The following DCX variants were observed in gnomAD, a reference collection of about 807,000 sequenced individuals.
DCX encodes neuronal migration protein doublecortin.
In DCX, 4 loss-of-function variants were observed where a neutral mutation model predicts 20.9. That is an observed-to-expected ratio of 0.19 (90% CI 0.09 to 0.44). The LOEUF (loss-of-function observed/expected upper bound fraction) is 0.44. Ranked by LOEUF, DCX falls within the 20% of genes least tolerant of loss-of-function variation. The pLI is 0.99. For synonymous variants in DCX, 103 were observed against 111.4 expected (o/e 0.92, Z 0.47); for missense variants, 133 against 296.9 (o/e 0.45, Z 4.06).
At chrX:111,387,064 T>G (rs1488175275) in intron 3 of DCX, among the ~76,000 whole-genome samples, 1 of 111,800 alleles carries the variant, frequency 8.9e-6, no homozygotes, top group Non-Finnish European at 1.9e-5. Context: ...AGACTAAACC[T>G]TCAGTGAGTC....
chrX:111,318,650 A>G (rs188254784), intron 5 of DCX, among the ~76,000 whole-genome samples: 82 of 111,411 alleles, frequency 7.4e-4, no homozygotes, highest in African/African-American at 2.6e-3. Flanking sequence ...TTGCGGTACC[A>G]TGGATGAAGC....
At chrX:111,364,957 G>GT (rs1924494197) in intron 3 of DCX, among the ~76,000 whole-genome samples, 1 of 109,978 alleles carries the variant, frequency 9.1e-6, no homozygotes, top group African/African-American at 3.3e-5. Context: ...CGATCTCACT[G>GT]TGAGGCTCAC....
rs186869826 is a variant in DCX, at chrX:111,390,876, G to A, written c.705+10114C>T. ...TAGCTGGATGTGGTGGTCCATGCCT[G>A]TAGTCCCAGCTACTCAAGAAGCTGA... On this transcript the variant is annotated intron_variant, in intron 3 of 6. Transcript: ENST00000636035. 3.6e-5 allele frequency among the ~76,000 whole-genome samples: 4 copies of A among 109,599 alleles called. No homozygotes were observed. In the East Asian group the frequency reaches 1.2e-3, roughly 32 times the overall value.
At chrX:111,361,684 C>T (rs1924223835) in intron 3 of DCX, among the ~76,000 whole-genome samples, 1 of 112,265 alleles carries the variant, frequency 8.9e-6, no homozygotes, top group Admixed American at 9.4e-5. Flanking sequence ...TTCTTGTTTC[C>T]TCTATAACTG....
chrX:111,297,144 C>A lies in DCX; in HGVS notation c.*4543G>T, dbSNP rs1288950003. 1 of 111,995 alleles carries A rather than the reference C, an allele frequency of 8.9e-6. No homozygotes were observed. The highest frequency in any genetic ancestry group is 1.9e-5 in the Non-Finnish European group (1 of 53,231). The allele number at this position is 111,995 out of a possible 1,213,427, so 9.2% of individuals were successfully genotyped here. A position where few individuals can be genotyped will look rare whatever the true frequency, so the allele number is the denominator to read the frequency against. Reference sequence around the variant, plus strand: ...ATGGATCCAAGTGGCCCTATGTGGCCAAAGACAGGTTCCAATCATCTTTTT... The same window carrying A: ...ATGGATCCAAGTGGCCCTATGTGGCAAAAGACAGGTTCCAATCATCTTTTT... On this transcript the variant is annotated 3_prime_UTR_variant, in exon 7 of 7. Transcript: ENST00000636035.
chrX:111,358,070 C>T (rs1314229806), intron 3 of DCX, among the ~76,000 whole-genome samples: 2 of 111,498 alleles, frequency 1.8e-5, no homozygotes, highest in Non-Finnish European at 3.8e-5. Context: ...TCTGGTGGTC[C>T]GCCTGCCTCA....
chrX:111,317,669 A>AAAGG (rs1262727724), intron 5 of DCX, among the ~76,000 whole-genome samples: 1 of 112,218 alleles, frequency 8.9e-6, no homozygotes, highest in Non-Finnish European at 1.9e-5. Flanking sequence ...TGCATCTGAC[A>AAAGG]AAGGTCTAAT....
intron 2 of DCX, among the ~76,000 whole-genome samples, chrX:111,408,195 T>C (rs942598944): frequency 1.8e-5 from 2 of 111,702 alleles, no homozygotes; most frequent in African/African-American, 6.5e-5. Context: ...GACTCTCCTT[T>C]ATTTTAAGAC....
chrX:111,312,645 G>A lies in DCX; in HGVS notation c.1038C>T (p.His346=). 1.7e-6 allele frequency: 2 copies of A among 1,211,152 alleles called. No individual in the cohort carries two copies. Among genetic ancestry groups the A allele is most frequent in the Non-Finnish European group, 2.2e-6 (2 of 894,973 alleles). Residue 346 remains histidine (H), a synonymous_variant, in exon 6 of 7, where the codon CAC becomes CAT. Transcript: ENST00000636035. ...TPTSPGSLRK[H]KVDLYLPLSL... is the part of the protein sequence containing the mutation. ...TAAGGTATAAGAGACATAATACCTT[G>A]TGCTTCCGGAGGCTGCCAGGACTGG...
intron 3 of DCX, among the ~76,000 whole-genome samples, chrX:111,336,456 C>T (rs917086966): frequency 8.9e-6 from 1 of 112,479 alleles, no homozygotes; most frequent in African/African-American, 3.2e-5. Context: ...TTACTGGCTC[C>T]CAAATGCAGA....
chrX:111,409,974 A>C, intron 2 of DCX, 61 bp downstream of exon 2: 1 of 1,202,845 alleles, frequency 8.3e-7, no homozygotes, highest in South Asian at 1.8e-5. Flanking sequence ...CAACCGAAGA[A>C]TGTAACCATA....
At chrX:111,303,804 C>T (rs2095039228) in intron 6 of DCX, among the ~76,000 whole-genome samples, 1 of 111,778 alleles carries the variant, frequency 8.9e-6, no homozygotes, top group Admixed American at 9.5e-5. Flanking sequence ...ACCTACCATC[C>T]CTTCACTGTA....
chrX:111,306,849 A>G (rs1333673125), intron 6 of DCX, among the ~76,000 whole-genome samples: 1 of 111,750 alleles, frequency 8.9e-6, no homozygotes, highest in East Asian at 2.8e-4. Context: ...AAATCACAAA[A>G]TACCTTGAGA....
At chrX:111,314,602 A>C (rs2095065324) in intron 5 of DCX, among the ~76,000 whole-genome samples, 1 of 111,952 alleles carries the variant, frequency 8.9e-6, no homozygotes, top group Non-Finnish European at 1.9e-5. Context: ...GGGGAAGGCA[A>C]AGATTCTGAC....
chrX:111,312,490 T>C, intron 6 of DCX, 149 bp downstream of exon 6: 2 of 513,540 alleles, frequency 3.9e-6, no homozygotes, highest in Non-Finnish European at 6.7e-6. Context: ...TGCTCCCTGC[T>C]TGGATTCGCA....
intron 3 of DCX, among the ~76,000 whole-genome samples, chrX:111,333,386 A>G (rs946031853): frequency 1.8e-5 from 2 of 111,539 alleles, no homozygotes; most frequent in African/African-American, 3.3e-5. Context: ...TTTCAATTGC[A>G]TCAAGAGTAA....
intron 1 of DCX, chrX:111,410,789 A>C: frequency 8.3e-7 from 1 of 1,210,868 alleles, no homozygotes; most frequent in Non-Finnish European, 1.1e-6. Flanking sequence ...ACTTCGGGCT[A>C]AATACATTAA....
At chrX:111,395,229 G>A (rs941324357) in intron 3 of DCX, among the ~76,000 whole-genome samples, 3 of 111,924 alleles carry the variant, frequency 2.7e-5, no homozygotes, top group African/African-American at 9.7e-5. Flanking sequence ...AGACGTGATT[G>A]GCTCCACGTT....
intron 5 of DCX, among the ~76,000 whole-genome samples, 196 bp downstream of exon 5, chrX:111,330,708 T>G (rs1192490779): frequency 4.5e-5 from 5 of 112,236 alleles, no homozygotes; most frequent in African/African-American, 1.3e-4. Flanking sequence ...CTGGTTTGCA[T>G]CCATTTGAAT....
Sources: gnomAD v4.1 joint callset for allele counts (sites outside exome capture counted in the v4.1 genomes callset) on GRCh38, gnomAD v4.1.1 for gene constraint, MANE v1.5 for transcripts, NCBI Gene and HGNC (gene_info 2026-07-23, HGNC 2026-07-21) for gene names.